The following TENM2 variants were observed in gnomAD, a reference collection of about 807,000 sequenced individuals.
The protein encoded by TENM2 is teneurin transmembrane protein 2.
Under a neutral mutation model 245.2 loss-of-function variants are expected in TENM2, and 52 were observed. The observed-to-expected ratio is 0.21, with a 90% CI of 0.17 to 0.27. The LOEUF is 0.27. Ranked by LOEUF, TENM2 falls within the 10% of genes least tolerant of loss-of-function variation. The pLI, the probability that TENM2 is intolerant of heterozygous loss-of-function variation, is 1.00. For synonymous variants in TENM2, 1,363 were observed against 1,438.9 expected (o/e 0.95, Z 1.19); for missense variants, 3,046 against 3,666.8 (o/e 0.83, Z 4.37).
In TENM2 at chr5:167,453,338, C is replaced by T. The variant is rs146445982; in HGVS notation, c.502+77865C>T. ...TTTTTATCTAAGAAAACACATCTTC[C>T]ACCAATCTGTCATCTCCTCTAATTG... is the stretch of plus-strand genomic sequence containing the variant. On this transcript the variant is annotated intron_variant, in intron 2 of 28. Coordinates refer to ENST00000518659, the Ensembl canonical transcript of TENM2. Among the ~76,000 whole-genome samples the T allele has an allele frequency of 1.6e-3, 236 of 152,168 alleles. 2 individuals carry two copies. The highest frequency in any genetic ancestry group is 5.5e-3 in the African/African-American group (229 of 41,518).
chr5:167,387,582 A>G (rs1761514141), intron 2 of TENM2, among the ~76,000 whole-genome samples: 1 of 151,854 alleles, frequency 6.6e-6, no homozygotes, highest in African/African-American at 2.4e-5. Flanking sequence ...GAGTGGCAAT[A>G]CTTGTTTTGT....
the TENM2 span, among the ~76,000 whole-genome samples, chr5:167,078,945 G>A: frequency 1.3e-5 from 2 of 152,024 alleles, no homozygotes; most frequent in African/African-American, 2.4e-5. Context: ...TATCACAAAC[G>A]CACAAAATAT....
chr5:168,158,888 C>T (rs1256425080), intron 12 of TENM2, among the ~76,000 whole-genome samples: 25 of 134,444 alleles, frequency 1.9e-4, no homozygotes, highest in African/African-American at 6.3e-4. Context: ...TATACACACA[C>T]GTATATATAT....
the TENM2 span, among the ~76,000 whole-genome samples, chr5:167,005,176 C>T: frequency 1.7e-3 from 255 of 152,250 alleles, no homozygotes; most frequent in Non-Finnish European, 2.6e-3. Flanking sequence ...CGAGGGCTTT[C>T]TTCGTGGTGT....
chr5:167,865,594 C>T (rs544887026), intron 2 of TENM2, among the ~76,000 whole-genome samples: 4 of 152,106 alleles, frequency 2.6e-5, no homozygotes, highest in African/African-American at 7.2e-5. Flanking sequence ...TTTTATACAA[C>T]GGTTGCGTTC....
intron 27 of TENM2, among the ~76,000 whole-genome samples, chr5:168,253,421 A>ATTT (rs758184753): frequency 2.8e-5 from 3 of 108,610 alleles, no homozygotes; most frequent in African/African-American, 9.0e-5. Context: ...AAATGCATTC[A>ATTT]TTATTTTATT....
chr5:167,516,897 A>G (rs1053648036), intron 2 of TENM2, among the ~76,000 whole-genome samples: 7 of 152,232 alleles, frequency 4.6e-5, no homozygotes, highest in Non-Finnish European at 7.3e-5. Flanking sequence ...GGTATTTAGC[A>G]TTTAATAATG....
At chr5:167,482,471 T>A (rs957855017) in intron 2 of TENM2, among the ~76,000 whole-genome samples, 2 of 152,194 alleles carry the variant, frequency 1.3e-5, no homozygotes, top group East Asian at 1.9e-4. Context: ...TTATGCTGAC[T>A]AATTTATTTG....
At chr5:167,297,704 G>A (rs2127729901) in intron 1 of TENM2, among the ~76,000 whole-genome samples, 1 of 149,396 alleles carries the variant, frequency 6.7e-6, no homozygotes, top group Non-Finnish European at 1.5e-5. Flanking sequence ...TCACCTGGGT[G>A]CAGGCGGGCT....
intron 18 of TENM2, 53 bp from the exon 21 acceptor site, chr5:168,204,319 C>T (rs1762180604): frequency 1.3e-6 from 2 of 1,577,048 alleles, no homozygotes; most frequent in Admixed American, 1.7e-5. Context: ...GGCCAATACA[C>T]ATGTCTTCCC....
the TENM2 span, among the ~76,000 whole-genome samples, chr5:167,114,261 T>C: frequency 2.0e-5 from 3 of 152,218 alleles, no homozygotes. Flanking sequence ...TCAGTAACAC[T>C]TTGAGTGTTT....
At chr5:167,738,141 G>A (rs1033676931) in intron 2 of TENM2, among the ~76,000 whole-genome samples, 1 of 152,242 alleles carries the variant, frequency 6.6e-6, no homozygotes. Flanking sequence ...ATGCCTGGGT[G>A]GCAGTGGAGT....
exon 12 of TENM2, chr5:168,126,828 G>A: frequency 5.0e-6 from 8 of 1,613,120 alleles, no homozygotes; most frequent in Non-Finnish European, 6.8e-6. Flanking sequence ...GGGCTGGACA[G>A]GCGCAGCGTG....
chr5:168,018,862 G>A (rs940230056), intron 5 of TENM2, among the ~76,000 whole-genome samples: 5 of 152,240 alleles, frequency 3.3e-5, no homozygotes, highest in South Asian at 2.1e-4. Flanking sequence ...CCCTGTCCCC[G>A]AGGAGATCTC....
chr5:167,852,305 G>A (rs959256424), intron 2 of TENM2, among the ~76,000 whole-genome samples: 1 of 152,178 alleles, frequency 6.6e-6, no homozygotes, highest in Non-Finnish European at 1.5e-5. Context: ...TTAAGCATAT[G>A]CCAAGCAATC....
intron 9 of TENM2, among the ~76,000 whole-genome samples, chr5:168,108,412 T>C (rs1174027669): frequency 6.6e-6 from 1 of 152,182 alleles, no homozygotes; most frequent in Non-Finnish European, 1.5e-5. Flanking sequence ...GAGCCTCGGT[T>C]TTCTCATCTG....
chr5:167,523,421 CA>C (rs1296852722), intron 2 of TENM2, among the ~76,000 whole-genome samples: 1 of 152,020 alleles, frequency 6.6e-6, no homozygotes, highest in African/African-American at 2.4e-5. Context: ...CATTTTAAAG[CA>C]AAAGCTAGAT....
chr5:167,837,830 G>A (rs1000741071), intron 2 of TENM2, among the ~76,000 whole-genome samples: 4 of 150,212 alleles, frequency 2.7e-5, no homozygotes, highest in African/African-American at 4.9e-5. Flanking sequence ...CCACCTTCAC[G>A]CTCTTACGCA....
At chr5:167,545,102 C>T (rs542621865) in intron 2 of TENM2, among the ~76,000 whole-genome samples, 47 of 152,138 alleles carry the variant, frequency 3.1e-4, no homozygotes, top group Admixed American at 4.6e-4. Flanking sequence ...ATGTAAAGAG[C>T]GGAGATTTTG....
Sources: gnomAD v4.1 joint callset for allele counts (sites outside exome capture counted in the v4.1 genomes callset) on GRCh38, gnomAD v4.1.1 for gene constraint, MANE v1.5 for transcripts, NCBI Gene and HGNC (gene_info 2026-07-23, HGNC 2026-07-21) for gene names.